The following NBPF20 variants were observed in gnomAD, a reference collection of about 807,000 sequenced individuals.
The protein encoded by NBPF20 is NBPF member 20, also known as NBPF family member NBPF20.
Under a neutral mutation model 68.1 loss-of-function variants are expected in NBPF20, and 90 were observed. The observed-to-expected ratio is 1.32, with a 90% CI of 1.11 to 1.58. The LOEUF is 1.58. Among genes scored for constraint, NBPF20 ranks in the 40% most tolerant of loss-of-function variants. The pLI, the probability that NBPF20 is intolerant of heterozygous loss-of-function variation, is 0.00. For missense variants in NBPF20, 816 were observed against 601.2 expected (o/e 1.36, Z -3.74); for synonymous variants, 290 against 228.1 (o/e 1.27, Z -2.45).
At chr1:145,311,830 T>C (rs1661490494) in intron 112 of NBPF20, among the ~76,000 whole-genome samples, 2 of 103,344 alleles carry the variant, frequency 1.9e-5, no homozygotes, top group Admixed American at 1.9e-4. Flanking sequence ...CCCTGTCTCA[T>C]CAAATACTCA....
chr1:145,423,974 AC>A, the NBPF20 span, among the ~76,000 whole-genome samples: 1 of 142,550 alleles, frequency 7.0e-6, no homozygotes, highest in South Asian at 2.2e-4. Context: ...CATTACCTGT[AC>A]TTTTTTTTTT....
At chr1:145,392,992 A>C (rs1286929909) in intron 10 of NBPF20, 82 bp downstream of exon 15, 26 of 352,344 alleles carry the variant, frequency 7.4e-5, no homozygotes, top group South Asian at 4.2e-4. Context: ...CTCTCAGCTC[A>C]GTAAGGGCCA....
chr1:145,410,637 T>C, the NBPF20 span, among the ~76,000 whole-genome samples: 1 of 150,700 alleles, frequency 6.6e-6, no homozygotes, highest in African/African-American at 2.4e-5. Context: ...TTCTGAAGTA[T>C]CTAAGTCTTT....
exon 138 of NBPF20, chr1:145,290,613 G>T (rs1553657095): frequency 6.6e-6 from 1 of 150,528 alleles, no homozygotes. Context: ...AAGAAATGCA[G>T]CTACATTATC....
the NBPF20 span, among the ~76,000 whole-genome samples, chr1:145,424,407 G>A: frequency 1.3e-5 from 2 of 152,148 alleles, no homozygotes; most frequent in Non-Finnish European, 2.9e-5. Context: ...TGGTTCACTG[G>A]TGAAATTTTA....
chr1:145,393,957 C>G (rs782457845), intron 8 of NBPF20, 22 bp from the exon 14 acceptor site: 31 of 1,243,800 alleles, frequency 2.5e-5, no homozygotes, highest in Admixed American at 1.8e-4. Context: ...TTCAGATGGG[C>G]CCTCTTACAT....
chr1:145,423,732 C>A, the NBPF20 span, among the ~76,000 whole-genome samples: 1 of 151,124 alleles, frequency 6.6e-6, no homozygotes, highest in Non-Finnish European at 1.5e-5. Flanking sequence ...CATTACTGCA[C>A]CCCTACTAGA....
At chr1:145,395,993 GA>G (rs1301123565) in intron 7 of NBPF20, among the ~76,000 whole-genome samples, 1 of 145,180 alleles carries the variant, frequency 6.9e-6, no homozygotes, top group Non-Finnish European at 1.5e-5. Flanking sequence ...AAGCAGGATG[GA>G]GAATGACTTT....
chr1:145,402,184 A>G, exon 4 of NBPF20: 1 of 1,483,860 alleles, frequency 6.7e-7, no homozygotes, highest in Non-Finnish European at 9.4e-7. Flanking sequence ...GAGCTTTTGG[A>G]CAAGGTGCTG....
At chr1:145,394,287 C>G (rs1662105374) in intron 8 of NBPF20, among the ~76,000 whole-genome samples, 1 of 151,348 alleles carries the variant, frequency 6.6e-6, no homozygotes, top group Non-Finnish European at 1.5e-5. Context: ...CATCAAATAC[C>G]CAGAATTTGA....
chr1:145,413,507 G>A, the NBPF20 span, among the ~76,000 whole-genome samples: 1 of 152,134 alleles, frequency 6.6e-6, no homozygotes, highest in African/African-American at 2.4e-5. Flanking sequence ...AAAACAAGAT[G>A]GATGAATCTC....
chr1:145,417,700 A>G, the NBPF20 span, among the ~76,000 whole-genome samples: 1 of 149,104 alleles, frequency 6.7e-6, no homozygotes, highest in African/African-American at 2.5e-5. Context: ...AGCATATGAG[A>G]AAGATGCTCA....
At chr1:145,403,095 T>A in intron 3 of NBPF20, 121 bp downstream of exon 8, 1 of 1,035,598 alleles carries the variant, frequency 9.7e-7, no homozygotes, top group Non-Finnish European at 1.5e-6. Context: ...GTAGCGAGCC[T>A]GCCATGGCAA....
intron 3 of NBPF20, 138 bp downstream of exon 8, chr1:145,403,078 T>C (rs1340291073): frequency 4.2e-6 from 4 of 962,790 alleles, no homozygotes; most frequent in South Asian, 1.3e-5. Flanking sequence ...TTGATAAATA[T>C]TTATGTGTAG....
At chr1:145,405,066 C>G in intron 2 of NBPF20, 32 bp downstream of exon 7, 1 of 1,612,932 alleles carries the variant, frequency 6.2e-7, no homozygotes, top group Non-Finnish European at 8.5e-7. Flanking sequence ...CATCATTCAT[C>G]ACTTTCATGA....
Position 145,372,563 on chromosome 1 carries a change from C to T in NBPF20, c.4318G>A (p.Ala1440Thr), listed in dbSNP as rs1301443662. 2.7e-4 allele frequency: 98 copies of T among 361,590 alleles called. 13 individuals carry two copies. Among genetic ancestry groups the T allele is most frequent in the Non-Finnish European group, 4.0e-4 (88 of 221,776 alleles). The allele number at this position is 361,590 out of a possible 1,614,324, so 22.4% of individuals were successfully genotyped here. A position where few individuals can be genotyped will look rare whatever the true frequency, so the allele number is the denominator to read the frequency against. Residue 1440 changes from alanine (A) to threonine (T), a missense_variant, in exon 36 of 138, where the codon GCT becomes ACT. Ala to Thr is a moderately conservative substitution (Grantham distance 58). Coordinates refer to ENST00000369373, the Ensembl canonical transcript of NBPF20. Reference sequence around the variant, plus strand: ...TACTGTTCCTCCAATGAGTAAACAGCACTGCTGTAGGGCTGGCCTAAGTCA... The same window carrying T: ...TACTGTTCCTCCAATGAGTAAACAGTACTGCTGTAGGGCTGGCCTAAGTCA...
rs1394344149 is a variant in NBPF20 at position 145,289,997 on chromosome 1, G to A, written c.*1529C>T. 4.8e-5 allele frequency: 7 copies of A among 146,194 alleles called. No individual in the cohort carries two copies. The highest frequency in any genetic ancestry group is 4.1e-4 in the Admixed American group (6 of 14,812). The allele number at this position is 146,194 out of a possible 1,614,324, so 9.1% of individuals were successfully genotyped here. ...ACTGAATGTAAAAAACAATCCAGAAGTCCAGAGTGATAGGCAAAAGGTTTT... is the reference window on the plus strand; with the variant it reads ...ACTGAATGTAAAAAACAATCCAGAAATCCAGAGTGATAGGCAAAAGGTTTT... On this transcript the variant is annotated 3_prime_UTR_variant, in exon 138 of 138. Coordinates refer to ENST00000369373, the Ensembl canonical transcript of NBPF20.
rs782004357 is a variant in NBPF20 at position 145,292,377 on chromosome 1, T to C, written c.16697+4A>G. 6.4e-5 allele frequency: 43 copies of C among 677,098 alleles called. No homozygotes were observed. The highest frequency in any genetic ancestry group is 1.0e-4 in the Non-Finnish European group (40 of 382,828). 41.9% of individuals were successfully genotyped at this position (677,098 alleles called of 1,614,324 possible). A position where few individuals can be genotyped will look rare whatever the true frequency, so the allele number is the denominator to read the frequency against. On this transcript the variant is annotated splice_donor_region_variant and intron_variant, in intron 137 of 137. Coordinates refer to ENST00000369373, the Ensembl canonical transcript of NBPF20. ...ATTAAGCATCCACAATTGCTGAAAG[T>C]CACCTGGGGCATGGTGGGTTTTGAT...
At chr1:145,424,726 G>A in the NBPF20 span, among the ~76,000 whole-genome samples, 3 of 152,116 alleles carry the variant, frequency 2.0e-5, no homozygotes, top group Admixed American at 6.5e-5. Context: ...ACAGACACAG[G>A]GAAATCACAG....
Sources: gnomAD v4.1 joint callset for allele counts (sites outside exome capture counted in the v4.1 genomes callset) on GRCh38, gnomAD v4.1.1 for gene constraint, MANE v1.5 for transcripts, NCBI Gene and HGNC (gene_info 2026-07-23, HGNC 2026-07-21) for gene names.